VRTN: variants seen among roughly 807,000 people sequenced by gnomAD.
VRTN encodes the protein vertebrae development associated.
A neutral mutation model predicts 18.2 loss-of-function variants in VRTN; 5 were observed. The observed-to-expected ratio is 0.27, with a 90% confidence interval of 0.14 to 0.58. The LOEUF is 0.58. Ranked by LOEUF, VRTN falls within the 20% of genes least tolerant of loss-of-function variation. VRTN has a pLI of 0.91. For missense variants in VRTN, 741 were observed against 939.4 expected, an observed-to-expected ratio of 0.79 and a Z score of 2.76; for synonymous variants, 381 against 393.7, an observed-to-expected ratio of 0.97 and a Z score of 0.38.
chr14:74,356,862 C>G lies in VRTN; in HGVS notation c.79C>G (p.Leu27Val). ...EAVECEGLEG[L>V]IGASLEAKQV... ...AGTGGAGTGCGAAGGCCTGGAGGGTCTCATAGGTGCTTCCTTGGAGGCCAA... is the reference window on the plus strand; with the variant it reads ...AGTGGAGTGCGAAGGCCTGGAGGGTGTCATAGGTGCTTCCTTGGAGGCCAA... Residue 27 changes from leucine (L) to valine (V), a missense_variant, in exon 2 of 2, where the codon CTC becomes GTC. Coordinates refer to ENST00000256362, the MANE Select transcript of VRTN (RefSeq NM_018228.3). 1 of 1,613,960 alleles carries G rather than the reference C, an allele frequency of 6.2e-7. No individual in the cohort carries two copies. The highest frequency in any genetic ancestry group is 8.5e-7 in the Non-Finnish European group (1 of 1,179,980).
At chr14:74,351,774 C>T (rs893406630) in intron 1 of VRTN, among the ~76,000 whole-genome samples, 1 of 151,950 alleles carries the variant, frequency 6.6e-6, no homozygotes, top group Non-Finnish European at 1.5e-5. Context: ...AGCCACTGCA[C>T]TTGGGCTGAT....
rs10136739 is a variant in VRTN at position 74,309,116 on chromosome 14, G to A, written c.-164+5940G>A. ...GATTTTTATTCTTCCTTCCATCCCC[G>A]CTGTGAATGTCCCTTCCCCAGAGAG... is the stretch of plus-strand genomic sequence containing the variant. On this transcript the variant is annotated intron_variant, in intron 1 of 2. Coordinates refer to the VRTN transcript ENST00000557177. Among the ~76,000 whole-genome samples the A allele has an allele frequency of 8.7e-3, 1,328 of 152,036 alleles. 30 individuals carry two copies. Among genetic ancestry groups the A allele is most frequent in the East Asian group, 0.061 (316 of 5,174 alleles).
chr14:74,344,395 G>A (rs2085628644), upstream of VRTN, among the ~76,000 whole-genome samples: 1 of 116,416 alleles, frequency 8.6e-6, no homozygotes, highest in Admixed American at 1.0e-4. Context: ...GGGTGACAGA[G>A]CAAGACTGTC....
At chr14:74,331,542 TTTTATATATATATATATATATATATATA>T (rs1340560252) in intron 1 of VRTN, among the ~76,000 whole-genome samples, 22 of 64,924 alleles carry the variant, frequency 3.4e-4, no homozygotes, top group Non-Finnish European at 6.6e-4. Context: ...AAAAAAAAAA[TTTTATATATATATATATATATATATATA>T]TATATATATA....
intron 1 of VRTN, among the ~76,000 whole-genome samples, chr14:74,316,637 CTTT>C (rs370697776): frequency 6.1e-5 from 8 of 131,182 alleles, no homozygotes; most frequent in Admixed American, 7.8e-5. Context: ...AGGGATTATT[CTTT>C]TTTTTTTTTT....
At chr14:74,328,151 T>A (rs940805261) in intron 1 of VRTN, among the ~76,000 whole-genome samples, 1 of 152,140 alleles carries the variant, frequency 6.6e-6, no homozygotes, top group African/African-American at 2.4e-5. Flanking sequence ...TACCTCCAAC[T>A]TCCTGGGTTA....
At chr14:74,325,883 T>C (rs1415329540) in intron 1 of VRTN, among the ~76,000 whole-genome samples, 1 of 152,248 alleles carries the variant, frequency 6.6e-6, no homozygotes, top group Non-Finnish European at 1.5e-5. Flanking sequence ...GCAGGGGCTT[T>C]CTGCCTCGTT....
chr14:74,346,268 C>T (rs1321664835), upstream of VRTN, among the ~76,000 whole-genome samples: 1 of 152,012 alleles, frequency 6.6e-6, no homozygotes, highest in Non-Finnish European at 1.5e-5. Context: ...CACCATCTCA[C>T]CCCAGCAGCA....
chr14:74,358,778 C>T lies in VRTN; in HGVS notation c.1995C>T (p.Ser665=). 6.2e-7 allele frequency: 1 copy of T among 1,614,248 alleles called. No homozygotes were observed. The highest frequency in any genetic ancestry group is 1.3e-5 in the African/African-American group (1 of 75,076). The change falls in exon 2 of 2, where the codon TCC becomes TCT. Residue 665 remains serine, a synonymous_variant. Coordinates refer to ENST00000256362, the MANE Select transcript of VRTN (RefSeq NM_018228.3). This position sits in a 1 kb window ranked among gnomAD's most constrained non-coding sequence, Gnocchi z 5.4. Reference sequence around the variant, plus strand: ...TGTTCTTGCAGAAGCGCTTCCAGTCCAAGAGCTTTCCCTCCTACAAGGAGT... The same window carrying T: ...TGTTCTTGCAGAAGCGCTTCCAGTCTAAGAGCTTTCCCTCCTACAAGGAGT... The part of the protein sequence containing the change: ...AKLFLQKRFQ[S]KSFPSYKEFS...
At chr14:74,320,898 T>TA (rs766559301) in intron 1 of VRTN, among the ~76,000 whole-genome samples, 1,654 of 83,186 alleles carry the variant, frequency 0.02, 59 homozygotes, top group African/African-American at 0.058. Flanking sequence ...CCCATCTCTT[T>TA]AAAAAAAAAA....
intron 1 of VRTN, among the ~76,000 whole-genome samples, chr14:74,354,680 G>A (rs1192936506): frequency 6.6e-6 from 1 of 151,926 alleles, no homozygotes; most frequent in Non-Finnish European, 1.5e-5. Context: ...TGGGATTACA[G>A]GTGTGAGCCA....
At position 74,357,336 on chromosome 14, in the gene VRTN, C is replaced by A. The variant is rs762560330; in HGVS notation, c.553C>A (p.Arg185=). 21 of 1,613,978 alleles carry A rather than the reference C, an allele frequency of 1.3e-5. No individual in the cohort carries two copies. Among genetic ancestry groups the A allele is most frequent in the Non-Finnish European group, 1.8e-5 (21 of 1,180,024 alleles). ...HLYALASVLQ[R]NIYSIYPMRN... ...GTATGCTCTCGCCTCTGTCCTCCAGCGGAACATCTACTCCATCTACCCCAT... is the reference window on the plus strand; with the variant it reads ...GTATGCTCTCGCCTCTGTCCTCCAGAGGAACATCTACTCCATCTACCCCAT... Residue 185 remains arginine (R), a synonymous_variant, in exon 2 of 2, where the codon CGG becomes AGG. Coordinates refer to ENST00000256362, the MANE Select transcript of VRTN (RefSeq NM_018228.3). This position sits in a 1 kb window ranked among gnomAD's most constrained non-coding sequence, Gnocchi z 7.8.
chr14:74,319,429 G>C (rs2085438392), intron 1 of VRTN, among the ~76,000 whole-genome samples: 1 of 152,194 alleles, frequency 6.6e-6, no homozygotes, highest in Non-Finnish European at 1.5e-5. Flanking sequence ...ATCAAGTGTG[G>C]TTCTGCAGCT....
At chr14:74,340,785 C>G (rs1173130620) in intron 2 of VRTN, among the ~76,000 whole-genome samples, 4 of 152,130 alleles carry the variant, frequency 2.6e-5, no homozygotes, top group Non-Finnish European at 5.9e-5. Flanking sequence ...GAGTCTTGCT[C>G]TGTCGCCCAG....
chr14:74,314,903 C>T (rs2085410379), intron 1 of VRTN, among the ~76,000 whole-genome samples: 1 of 152,088 alleles, frequency 6.6e-6, no homozygotes, highest in Non-Finnish European at 1.5e-5. Context: ...AAATGAAGGT[C>T]TTATGGTCTA....
chr14:74,355,763 AC>A (rs1193021705), intron 1 of VRTN, among the ~76,000 whole-genome samples: 1 of 148,566 alleles, frequency 6.7e-6, no homozygotes, highest in Non-Finnish European at 1.5e-5. Context: ...CTGGCCTCAA[AC>A]TCCTGACCTT....
intron 1 of VRTN, among the ~76,000 whole-genome samples, chr14:74,317,757 G>T: frequency 6.6e-6 from 1 of 152,024 alleles, no homozygotes; most frequent in Non-Finnish European, 1.5e-5. Context: ...AGCAGAGTTC[G>T]TGCCACTATA....
chr14:74,332,353 T>C lies in VRTN; in HGVS notation c.-163-5370T>C, dbSNP rs1187993821. ...CTAATCTGTTTTTTTTTTTTTTTTT[T>C]TTTTTTTTTTTTTTTTTTTTTTTAG... On this transcript the variant is annotated intron_variant, in intron 1 of 2. Coordinates refer to the VRTN transcript ENST00000557177. 5.9e-5 allele frequency among the ~76,000 whole-genome samples: 7 copies of C among 118,034 alleles called. No homozygotes were observed. In the East Asian group the frequency reaches 6.7e-4, roughly 11 times the overall value. The allele number at this position is 118,034 out of a possible 152,430, so 77.4% of individuals were successfully genotyped here.
At chr14:74,310,781 G>A (rs961657837) in intron 1 of VRTN, among the ~76,000 whole-genome samples, 5 of 151,942 alleles carry the variant, frequency 3.3e-5, no homozygotes, top group Non-Finnish European at 7.4e-5. Context: ...GAAGTGATCC[G>A]CCCACCTTGG....
Sources: allele counts gnomAD v4.1 joint callset (sites outside exome capture counted in the v4.1 genomes callset), GRCh38; gene constraint gnomAD v4.1.1; non-coding constraint Gnocchi (gnomAD v3.1); transcripts MANE v1.5; gene names NCBI Gene and HGNC (gene_info 2026-07-23, HGNC 2026-07-21).